The following SEC11A variants were observed in gnomAD, a reference collection of about 807,000 sequenced individuals.
SEC11A encodes the protein signal peptidase complex catalytic subunit SEC11A.
In SEC11A, 14 loss-of-function variants were observed where a neutral mutation model predicts 25.6. That is an observed-to-expected ratio of 0.55 (90% CI 0.36 to 0.85). SEC11A has a LOEUF of 0.85. Among genes scored for constraint, SEC11A ranks in the 40% least tolerant of loss-of-function variants. The pLI is 0.01. For missense variants in SEC11A, 153 were observed against 222.9 expected, an observed-to-expected ratio of 0.69 and a Z score of 2.00; for synonymous variants, 83 against 76.4, an observed-to-expected ratio of 1.09 and a Z score of -0.45.
intron 3 of SEC11A, among the ~76,000 whole-genome samples, chr15:84,684,896 A>G (rs1039322294): frequency 2.6e-5 from 4 of 152,142 alleles, no homozygotes; most frequent in African/African-American, 9.7e-5. Context: ...CGCACCATGA[A>G]CTCCAGCCTG....
chr15:84,688,254 T>C (rs1168703635), intron 2 of SEC11A, among the ~76,000 whole-genome samples: 1 of 152,130 alleles, frequency 6.6e-6, no homozygotes, highest in Non-Finnish European at 1.5e-5. Context: ...GAAGGAAAAA[T>C]GGCTCATCAA....
chr15:84,689,649 C>T (rs1270294761), intron 2 of SEC11A, among the ~76,000 whole-genome samples: 2 of 150,928 alleles, frequency 1.3e-5, no homozygotes, highest in Admixed American at 1.3e-4. Flanking sequence ...CAATTGTCAC[C>T]CAGGCTGGAG....
chr15:84,671,036 T>TA, intron 4 of SEC11A: 1 of 304,446 alleles, frequency 3.3e-6, no homozygotes, highest in Non-Finnish European at 6.1e-6. Context: ...CAGCACCAGA[T>TA]AGAGCCAAGG....
At chr15:84,689,086 G>A (rs1897520649) in intron 2 of SEC11A, among the ~76,000 whole-genome samples, 1 of 151,646 alleles carries the variant, frequency 6.6e-6, no homozygotes, top group Non-Finnish European at 1.5e-5. Flanking sequence ...AAAGAAACTG[G>A]GGGCCAGGCA....
chr15:84,680,901 T>C, intron 3 of SEC11A, 69 bp from the exon 4 acceptor site: 1 of 1,422,948 alleles, frequency 7.0e-7, no homozygotes, highest in Non-Finnish European at 9.5e-7. Context: ...AATCTGTTCT[T>C]GTTAACCAAA....
chr15:84,675,262 G>C (rs1008997786), intron 4 of SEC11A, among the ~76,000 whole-genome samples: 1 of 152,176 alleles, frequency 6.6e-6, no homozygotes, highest in African/African-American at 2.4e-5. Flanking sequence ...ATTTCATATA[G>C]TTAAATACAT....
chr15:84,693,456 T>A (rs1233681395), intron 1 of SEC11A, among the ~76,000 whole-genome samples: 1 of 67,986 alleles, frequency 1.5e-5, no homozygotes, highest in East Asian at 4.7e-4. Context: ...TTTTCTTTTT[T>A]TCTCTTCTTT....
At chr15:84,674,775 G>T (rs1388232460) in intron 4 of SEC11A, among the ~76,000 whole-genome samples, 1 of 152,030 alleles carries the variant, frequency 6.6e-6, no homozygotes, top group East Asian at 1.9e-4. Context: ...GCTCAGGCTG[G>T]TCTCAAACTC....
intron 1 of SEC11A, among the ~76,000 whole-genome samples, chr15:84,702,187 G>A (rs1013509752): frequency 1.5e-4 from 23 of 150,460 alleles, no homozygotes; most frequent in South Asian, 4.2e-4. Flanking sequence ...TTGGCTGGGC[G>A]CAGTGGCTCA....
intron 4 of SEC11A, chr15:84,679,189 C>T (rs1210884053): frequency 3.7e-6 from 3 of 820,520 alleles, no homozygotes; most frequent in Non-Finnish European, 5.1e-6. Context: ...TGAGGAAAAA[C>T]AAAGACTCAA....
intron 4 of SEC11A, chr15:84,672,268 C>A (rs1043639299): frequency 3.8e-5 from 6 of 159,720 alleles, no homozygotes; most frequent in African/African-American, 1.4e-4. Flanking sequence ...TCTGCCTCTC[C>A]CCACGGTCTC....
intron 1 of SEC11A, among the ~76,000 whole-genome samples, chr15:84,704,256 G>A (rs1259629099): frequency 2.0e-5 from 3 of 152,100 alleles, no homozygotes; most frequent in African/African-American, 7.2e-5. Flanking sequence ...TCCTCATTGT[G>A]GTATCCCATA....
At chr15:84,694,980 C>T (rs1044421603) in intron 1 of SEC11A, among the ~76,000 whole-genome samples, 15 of 149,558 alleles carry the variant, frequency 1.0e-4, no homozygotes, top group African/African-American at 3.7e-4. Flanking sequence ...ATTCCAGCTA[C>T]TCGGGAGGCT....
intron 1 of SEC11A, among the ~76,000 whole-genome samples, chr15:84,703,693 T>C (rs1445784188): frequency 1.3e-5 from 2 of 152,182 alleles, no homozygotes; most frequent in African/African-American, 4.8e-5. Context: ...AGATTTACAT[T>C]GATTCAAAAA....
intron 2 of SEC11A, 22 bp downstream of exon 2, chr15:84,691,513 C>T: frequency 7.4e-7 from 1 of 1,347,026 alleles, no homozygotes; most frequent in Non-Finnish European, 1.1e-6. Flanking sequence ...CAATTCCATG[C>T]CTTGAAAGGA....
intron 3 of SEC11A, among the ~76,000 whole-genome samples, chr15:84,687,375 C>G (rs1238342796): frequency 1.3e-5 from 2 of 152,148 alleles, no homozygotes; most frequent in African/African-American, 4.8e-5. Context: ...TACAGAGTCA[C>G]TGACAGGTTG....
chr15:84,669,989 C>T lies in SEC11A; in HGVS notation c.*30G>A, dbSNP rs770586161. On this transcript the variant is annotated 3_prime_UTR_variant, in exon 6 of 6. Transcript: ENST00000268220. ...AAACATCCAGTAACGAAAACTATGG[C>T]ATCTTCCCAGGAACAGCAAGGCAGG... 1 of 1,613,448 alleles carries T rather than the reference C, an allele frequency of 6.2e-7. No homozygotes were observed.
chr15:84,680,080 C>A, intron 4 of SEC11A: 1 of 650,060 alleles, frequency 1.5e-6, no homozygotes, highest in African/African-American at 1.8e-5. Flanking sequence ...TGGATGAACA[C>A]TTTTGAGTTA....
chr15:84,680,204 G>A (rs1246214100), intron 4 of SEC11A, among the ~76,000 whole-genome samples: 8 of 151,898 alleles, frequency 5.3e-5, no homozygotes, highest in Admixed American at 3.9e-4. Context: ...GGGAGGCTGA[G>A]GCAGGAGAAT....
Sources: gnomAD v4.1 joint callset for allele counts (sites outside exome capture counted in the v4.1 genomes callset) on GRCh38, gnomAD v4.1.1 for gene constraint, MANE v1.5 for transcripts, NCBI Gene and HGNC (gene_info 2026-07-23, HGNC 2026-07-21) for gene names.